DSCAM: variants seen among roughly 807,000 people sequenced by gnomAD.
The protein encoded by DSCAM is DS cell adhesion molecule.
In DSCAM, 47 loss-of-function variants were observed where a neutral mutation model predicts 217.7. The ratio of observed to expected loss-of-function variants is 0.22; its 90% CI spans 0.17 to 0.28. The LOEUF is 0.28. Among genes scored for constraint, DSCAM ranks in the 10% least tolerant of loss-of-function variants. The probability of loss-of-function intolerance (pLI) is 1.00; values close to 1 mark genes in which losing one functional copy is unlikely to be tolerated. For missense variants in DSCAM, 2,080 were observed against 2,618.3 expected, an observed-to-expected ratio of 0.79 and a Z score of 4.49; for synonymous variants, 1,056 against 1,015.3, an observed-to-expected ratio of 1.04 and a Z score of -0.76.
chr21:40,237,837 G>T (rs1201875267), intron 11 of DSCAM, among the ~76,000 whole-genome samples: 1 of 152,158 alleles, frequency 6.6e-6, no homozygotes, highest in Non-Finnish European at 1.5e-5. Flanking sequence ...TTGGTTCATG[G>T]CCTCTTGCCT....
At chr21:40,695,534 A>T (rs1568989423) in intron 2 of DSCAM, among the ~76,000 whole-genome samples, 1 of 152,212 alleles carries the variant, frequency 6.6e-6, no homozygotes, top group Non-Finnish European at 1.5e-5. Context: ...CAAAGCAGGG[A>T]CAGCACTGTG....
chr21:40,514,626 A>T (rs969512936), intron 3 of DSCAM, among the ~76,000 whole-genome samples: 1 of 152,224 alleles, frequency 6.6e-6, no homozygotes, highest in African/African-American at 2.4e-5. Flanking sequence ...TAAGATGAAA[A>T]AACTAACGAT....
chr21:40,050,097 T>G (rs2088904552), intron 30 of DSCAM, among the ~76,000 whole-genome samples: 1 of 152,180 alleles, frequency 6.6e-6, no homozygotes, highest in South Asian at 2.1e-4. Context: ...TTTCTCAATG[T>G]GGGGTCCAAA....
intron 16 of DSCAM, among the ~76,000 whole-genome samples, chr21:40,156,705 A>G (rs1044139972): frequency 6.6e-6 from 1 of 152,230 alleles, no homozygotes; most frequent in African/African-American, 2.4e-5. Flanking sequence ...TTAAATTGTT[A>G]TGATCACAAT....
intron 3 of DSCAM, among the ~76,000 whole-genome samples, chr21:40,604,930 C>G (rs2089212717): frequency 3.3e-5 from 5 of 152,160 alleles, no homozygotes; most frequent in Admixed American, 3.3e-4. Context: ...AAGGGGGCAC[C>G]AGTGGCTAAT....
chr21:40,682,225 G>A (rs1465072862), intron 3 of DSCAM, among the ~76,000 whole-genome samples: 1 of 152,128 alleles, frequency 6.6e-6, no homozygotes, highest in Non-Finnish European at 1.5e-5. Context: ...GACCAGGAGA[G>A]AAGGCAGGTC....
chr21:40,224,094 G>A (rs1276681311), intron 11 of DSCAM, among the ~76,000 whole-genome samples: 2 of 152,186 alleles, frequency 1.3e-5, no homozygotes, highest in Non-Finnish European at 2.9e-5. Flanking sequence ...AAAACCTTCG[G>A]CTAGGTATAA....
Position 40,213,830 on chromosome 21 carries a change from G to T in DSCAM, c.2357-24592C>A, listed in dbSNP as rs1438957516. On this transcript the variant is annotated intron_variant, in intron 11 of 32. Transcript: ENST00000400454. ...GAATTTTACGATATTCTAGTGCAGG[G>T]ATATAAGGAGGCAATGTCCAGGGAA... Among the ~76,000 whole-genome samples the T allele has an allele frequency of 2.0e-5, 3 of 152,158 alleles. No individual in the cohort carries two copies. In the East Asian group the frequency reaches 5.8e-4, roughly 29 times the overall value.
chr21:40,737,534 G>A (rs999768950), intron 1 of DSCAM, among the ~76,000 whole-genome samples: 5 of 152,116 alleles, frequency 3.3e-5, no homozygotes, highest in African/African-American at 9.7e-5. Flanking sequence ...CCAGCTACTC[G>A]GGAGGCTGAG....
In DSCAM at chr21:40,555,625, G is replaced by A. The variant is rs570595230; in HGVS notation, c.508+137185C>T. Among the ~76,000 whole-genome samples, 66 of 152,106 alleles carry A rather than the reference G, an allele frequency of 4.3e-4. 1 individual carries two copies. In the South Asian group the frequency reaches 0.013, roughly 31 times the overall value. Reference sequence around the variant, plus strand: ...ACATTTTGTCAAATTTCAAACCAACGTTTTTTGTTGTTGTTTGTTTTTTAA... The same window carrying A: ...ACATTTTGTCAAATTTCAAACCAACATTTTTTGTTGTTGTTTGTTTTTTAA... On this transcript the variant is annotated intron_variant, in intron 3 of 32. Coordinates refer to ENST00000400454, the MANE Select transcript of DSCAM (RefSeq NM_001389.5).
rs2090928566 is a variant in DSCAM at position 40,189,180 on chromosome 21, C to G, written c.2415G>C (p.Lys805Asn). 1 of 1,613,242 alleles carries G rather than the reference C, an allele frequency of 6.2e-7. No homozygotes were observed. The highest frequency in any genetic ancestry group is 1.3e-5 in the African/African-American group (1 of 74,880). The change falls in exon 12 of 33, where the codon AAG becomes AAC. Residue 805 changes from lysine to asparagine, a missense_variant. This residue lies in a region of DSCAM where 1,144 missense variants were observed against 1,421.1 expected (regional missense o/e 0.81). Coordinates refer to ENST00000400454, the MANE Select transcript of DSCAM (RefSeq NM_001389.5). ...CACCATGCGCCGTGCAGCTCATCTC[C>G]TTTTTCTGCCCCTGCGTGGCCAGGG... ...NTTLATQGQK[K>N]EMSCTAHGEK...
At chr21:40,217,444 T>C (rs1318810199) in intron 11 of DSCAM, among the ~76,000 whole-genome samples, 6 of 152,150 alleles carry the variant, frequency 3.9e-5, no homozygotes, top group Non-Finnish European at 5.9e-5. Context: ...TTGGGGTACA[T>C]GTGAAGGTTT....
At chr21:40,032,261 ACTG>A (rs1450496395) in intron 32 of DSCAM, among the ~76,000 whole-genome samples, 1 of 151,998 alleles carries the variant, frequency 6.6e-6, no homozygotes, top group African/African-American at 2.4e-5. Flanking sequence ...CTCCAAAACC[ACTG>A]CTAAGTTCTG....
At position 40,583,720 on chromosome 21, in the gene DSCAM, C is replaced by T. The variant is rs537532158; in HGVS notation, c.508+109090G>A. Among the ~76,000 whole-genome samples, 5 of 152,226 alleles carry T rather than the reference C, an allele frequency of 3.3e-5. No homozygotes were observed. The South Asian group carries it at 1.0e-3, about 32-fold the overall frequency. On this transcript the variant is annotated intron_variant, in intron 3 of 32. Transcript: ENST00000400454. ...CACCCAGAGTGAACCTTAATATACA[C>T]TATGTCCACTGGGTAATAATGATCT... is the stretch of plus-strand genomic sequence containing the variant.
intron 2 of DSCAM, among the ~76,000 whole-genome samples, chr21:40,702,834 T>C (rs1291296402): frequency 2.6e-5 from 4 of 152,176 alleles, no homozygotes; most frequent in South Asian, 2.1e-4. Context: ...TTGTAACTTA[T>C]CACCATCTAT....
intron 1 of DSCAM, among the ~76,000 whole-genome samples, chr21:40,800,904 CG>C (rs1825322909): frequency 6.6e-6 from 1 of 150,752 alleles, no homozygotes; most frequent in African/African-American, 2.4e-5. Flanking sequence ...TTAATGGAGA[CG>C]GGGTTTCACT....
intron 11 of DSCAM, among the ~76,000 whole-genome samples, chr21:40,268,342 G>A (rs1191056228): frequency 6.6e-6 from 1 of 152,118 alleles, no homozygotes; most frequent in Non-Finnish European, 1.5e-5. Flanking sequence ...GAAGACAGGA[G>A]GAGATTCCAA....
At chr21:40,833,633 TAAGAA>T (rs2092030037) in intron 1 of DSCAM, among the ~76,000 whole-genome samples, 1 of 152,112 alleles carries the variant, frequency 6.6e-6, no homozygotes, top group Non-Finnish European at 1.5e-5. Context: ...CCTTTCTTCA[TAAGAA>T]AAGAAAGAAA....
chr21:40,544,517 C>T lies in DSCAM; in HGVS notation c.508+148293G>A, dbSNP rs572714903. 1.1e-4 allele frequency among the ~76,000 whole-genome samples: 17 copies of T among 152,162 alleles called. No individual in the cohort carries two copies. In the South Asian group the frequency reaches 3.5e-3, roughly 32 times the overall value. On this transcript the variant is annotated intron_variant, in intron 3 of 32. Transcript: ENST00000400454. The stretch of plus-strand genomic sequence containing the variant: ...GGCCACACAGAGACATAGAGAAGAA[C>T]CCCCTGCGAAGATGAAGGCACAGAT...
Sources: gnomAD v4.1 joint callset for allele counts (sites outside exome capture counted in the v4.1 genomes callset) on GRCh38, gnomAD v4.1.1 for gene constraint, gnomAD v4.1.1 regional missense constraint, MANE v1.5 for transcripts, NCBI Gene and HGNC (gene_info 2026-07-23, HGNC 2026-07-21) for gene names.